Variants in MAP3K7 observed in about 807,000 individuals in gnomAD.
The protein encoded by MAP3K7 is TGF-beta activated kinase 1.
In MAP3K7, 21 loss-of-function variants were observed where a neutral mutation model predicts 84.8. The observed-to-expected ratio is 0.25, with a 90% confidence interval of 0.18 to 0.36. MAP3K7 has a LOEUF of 0.36. MAP3K7 is among the 10% of genes least tolerant of loss of function. MAP3K7 has a pLI of 1.00. For synonymous variants in MAP3K7, 241 were observed against 247.7 expected (o/e 0.97, Z 0.25); for missense variants, 503 against 747.7 (o/e 0.67, Z 3.82).
chr6:90,542,764 T>C (rs1775893124), intron 12 of MAP3K7, among the ~76,000 whole-genome samples: 1 of 152,014 alleles, frequency 6.6e-6, no homozygotes, highest in Non-Finnish European at 1.5e-5. Context: ...TAAGCTACTT[T>C]GTAGGGCACA....
chr6:90,579,959 T>G (rs1777214708), intron 1 of MAP3K7, among the ~76,000 whole-genome samples: 1 of 152,216 alleles, frequency 6.6e-6, no homozygotes, highest in South Asian at 2.1e-4. Context: ...TCAGGCTATG[T>G]AAAACAGCAC....
At position 90,523,752 on chromosome 6, in the gene MAP3K7, C is replaced by T. The variant is rs771408689; in HGVS notation, c.1388G>A (p.Arg463Lys). The change falls in exon 14 of 17, where the codon AGA (arginine) becomes AAA (lysine). Residue 463 changes from arginine to lysine, a missense_variant. Arg to Lys is a conservative substitution (Grantham distance 26, BLOSUM62 2). Around this residue, in one of 5 missense-constraint regions of MAP3K7, gnomAD observed 286 missense variants for 313.6 expected, o/e 0.91. Transcript: ENST00000369329. ...VSSRSSSPSV[R>K]MITTSGPTSE... is the part of the protein sequence containing the mutation. Reference sequence around the variant, plus strand: ...GGTTGGTCCTGAGGTAGTAATCATTCTGACACTGGGACTGGATGACCTACT... The same window carrying T: ...GGTTGGTCCTGAGGTAGTAATCATTTTGACACTGGGACTGGATGACCTACT... 6 of 1,612,800 alleles carry T rather than the reference C, an allele frequency of 3.7e-6. No individual in the cohort carries two copies. The South Asian group carries it at 6.6e-5, about 18-fold the overall frequency.
At chr6:90,565,208 C>G (rs749566208) in intron 3 of MAP3K7, among the ~76,000 whole-genome samples, 1 of 151,654 alleles carries the variant, frequency 6.6e-6, no homozygotes, top group African/African-American at 2.4e-5. Flanking sequence ...TAACTAAGAT[C>G]GGAGCAGAAC....
intron 3 of MAP3K7, among the ~76,000 whole-genome samples, chr6:90,566,365 C>T (rs1776705004): frequency 6.6e-6 from 1 of 152,162 alleles, no homozygotes; most frequent in Admixed American, 6.5e-5. Context: ...TCAGCAAAGT[C>T]TCAGGATACA....
rs112461947 is a variant in MAP3K7 at position 90,527,673 on chromosome 6, C to T, written c.1357-3890G>A. 1.0e-3 allele frequency among the ~76,000 whole-genome samples: 158 copies of T among 152,290 alleles called. 1 individual carries two copies. The highest frequency in any genetic ancestry group is 3.5e-3 in the African/African-American group (144 of 41,568). On this transcript the variant is annotated intron_variant, in intron 13 of 16. Transcript: ENST00000369329. ...GGTGGGGAAATGACAGGGAAGGCCA[C>T]AGGCGAGGAACACACAGGGACCAAC...
chr6:90,530,137 C>A (rs1019381034), intron 13 of MAP3K7, among the ~76,000 whole-genome samples: 7 of 152,308 alleles, frequency 4.6e-5, no homozygotes, highest in Middle Eastern at 3.4e-3. Flanking sequence ...ATAGTTATAA[C>A]TGCTATTATA....
chr6:90,580,165 A>G (rs17747150), intron 1 of MAP3K7, among the ~76,000 whole-genome samples: 31,808 of 152,166 alleles, frequency 0.21, 3,981 homozygotes, highest in Non-Finnish European at 0.29. Context: ...CTAAAAACAC[A>G]TAAGGAGATT....
intron 3 of MAP3K7, among the ~76,000 whole-genome samples, chr6:90,565,284 T>C (rs1266651234): frequency 1.3e-5 from 2 of 152,148 alleles, no homozygotes; most frequent in Non-Finnish European, 2.9e-5. Context: ...GCTGGTTTTT[T>C]GAAAAGATCA....
intron 4 of MAP3K7, among the ~76,000 whole-genome samples, chr6:90,561,212 G>A (rs1776502286): frequency 4.6e-5 from 7 of 151,534 alleles, no homozygotes; most frequent in Admixed American, 4.6e-4. Flanking sequence ...AAAAGGTTGT[G>A]TGAAGTGAGT....
rs1776065914 is a variant in MAP3K7, at chr6:90,548,182, G to A, written c.950-5C>T. On this transcript the variant is annotated splice_region_variant and splice_polypyrimidine_tract_variant and intron_variant, in intron 9 of 16. Transcript: ENST00000369329. Reference sequence around the variant, plus strand: ...AAGCAATGTCCATGAATGAGCCTAGGAAAAGCAGAAACATTTATGACTAAT... The same window carrying A: ...AAGCAATGTCCATGAATGAGCCTAGAAAAAGCAGAAACATTTATGACTAAT... 3 of 1,601,972 alleles carry A rather than the reference G, an allele frequency of 1.9e-6. No individual in the cohort carries two copies. The highest frequency in any genetic ancestry group is 2.2e-5 in the East Asian group (1 of 44,472).
chr6:90,582,163 G>A (rs373944410), intron 1 of MAP3K7, among the ~76,000 whole-genome samples: 316 of 152,204 alleles, frequency 2.1e-3, no homozygotes, highest in Non-Finnish European at 3.6e-3. Flanking sequence ...GCCCTTTACA[G>A]CATTTTTTAT....
At chr6:90,524,272 A>G (rs1414685848) in intron 13 of MAP3K7, among the ~76,000 whole-genome samples, 1 of 152,186 alleles carries the variant, frequency 6.6e-6, no homozygotes, top group African/African-American at 2.4e-5. Context: ...AGCAGACAGG[A>G]AACAAATTTG....
In MAP3K7 at chr6:90,587,045, C is replaced by G. The variant is rs1055897456; in HGVS notation, c.-162G>C. ...TAGAGGCAGCGGCCACAGCCGTGTC[C>G]GGCTCTGGCTCCGCTGCGTTTTCCG... On this transcript the variant is annotated 5_prime_UTR_variant, in exon 1 of 17. Transcript: ENST00000369329. 8 of 814,176 alleles carry G rather than the reference C, an allele frequency of 9.8e-6. No homozygotes were observed. The highest frequency in any genetic ancestry group is 1.8e-5 in the African/African-American group (1 of 54,784). 50.4% of individuals were successfully genotyped at this position (814,176 alleles called of 1,614,324 possible). A position where few individuals can be genotyped will look rare whatever the true frequency, so the allele number is the denominator to read the frequency against.
intron 13 of MAP3K7, among the ~76,000 whole-genome samples, chr6:90,530,617 TTAAC>T (rs1247779897): frequency 1.3e-5 from 2 of 152,142 alleles, no homozygotes; most frequent in African/African-American, 2.4e-5. Flanking sequence ...TTTAAATCCA[TTAAC>T]TAATAAATAA....
chr6:90,521,761 A>G (rs1198099313), intron 14 of MAP3K7, among the ~76,000 whole-genome samples: 1 of 151,986 alleles, frequency 6.6e-6, no homozygotes, highest in Non-Finnish European at 1.5e-5. Flanking sequence ...TCTCTCTCTC[A>G]CTAGATCCTC....
At chr6:90,542,256 G>A in intron 12 of MAP3K7, 2 of 984,178 alleles carry the variant, frequency 2.0e-6, no homozygotes, top group Non-Finnish European at 2.4e-6. Context: ...TTACCTATGA[G>A]CACATTCATG....
chr6:90,535,061 C>T (rs868821417), intron 13 of MAP3K7, among the ~76,000 whole-genome samples: 76 of 151,818 alleles, frequency 5.0e-4, no homozygotes, highest in African/African-American at 1.6e-3. Flanking sequence ...GATTTAGAGT[C>T]ACTAGTATCA....
intron 13 of MAP3K7, among the ~76,000 whole-genome samples, chr6:90,524,444 G>T (rs142662380): frequency 8.1e-4 from 124 of 152,210 alleles, no homozygotes; most frequent in African/African-American, 3.0e-3. Context: ...AACATGGAAC[G>T]TATACATTCA....
rs1486259077 is a variant in MAP3K7 at position 90,575,866 on chromosome 6, G to A, written c.121-4059C>T. Among the ~76,000 whole-genome samples, 10 of 152,104 alleles carry A rather than the reference G, an allele frequency of 6.6e-5. No individual in the cohort carries two copies. The East Asian group carries it at 1.7e-3, about 27-fold the overall frequency. On this transcript the variant is annotated intron_variant, in intron 1 of 16. Transcript: ENST00000369329. ...CCTTAAACCAATATTTCTTTAGTGT[G>A]TACTACATCCAGCTACTGTTTGGGA...
Sources: gnomAD v4.1 joint callset for allele counts (sites outside exome capture counted in the v4.1 genomes callset) on GRCh38, gnomAD v4.1.1 for gene constraint, gnomAD v4.1.1 regional missense constraint, MANE v1.5 for transcripts, NCBI Gene and HGNC (gene_info 2026-07-23, HGNC 2026-07-21) for gene names.